LMO7: variants seen among roughly 807,000 people sequenced by gnomAD.
The protein encoded by LMO7 is LIM domain 7.
Under a neutral mutation model 206.5 loss-of-function variants are expected in LMO7, and 120 were observed. That is an observed-to-expected ratio of 0.58 (90% CI 0.50 to 0.68). The LOEUF (loss-of-function observed/expected upper bound fraction) is 0.68. Ranked by LOEUF, LMO7 falls within the 30% of genes least tolerant of loss-of-function variation. The pLI is 0.00. For missense variants in LMO7, 1,959 were observed against 1,957.9 expected, an observed-to-expected ratio of 1.00 and a Z score of -0.01; for synonymous variants, 706 against 681.5, an observed-to-expected ratio of 1.04 and a Z score of -0.56.
intron 1 of LMO7, among the ~76,000 whole-genome samples, chr13:75,663,061 A>G (rs1207923187): frequency 6.6e-6 from 1 of 152,158 alleles, no homozygotes; most frequent in Non-Finnish European, 1.5e-5. Flanking sequence ...TTTAATCCCA[A>G]TATTACTTAT....
intron 1 of LMO7, among the ~76,000 whole-genome samples, chr13:75,710,926 T>G (rs75147089): frequency 0.44 from 65,910 of 151,418 alleles, 14,827 homozygotes; most frequent in East Asian, 0.67. Flanking sequence ...TATGATATTG[T>G]CTGTGGGTTT....
chr13:75,788,651 AT>A (rs138518976), intron 4 of LMO7, among the ~76,000 whole-genome samples: 17 of 151,394 alleles, frequency 1.1e-4, no homozygotes, highest in African/African-American at 4.1e-4. Flanking sequence ...TCATTTCTTG[AT>A]TTTTTTTTAA....
In LMO7 at chr13:75,792,648, C is replaced by T. The variant is rs552024993; in HGVS notation, c.318-2753C>T. 5.3e-5 allele frequency among the ~76,000 whole-genome samples: 8 copies of T among 152,284 alleles called. 1 individual carries two copies. The highest frequency in any genetic ancestry group is 1.9e-4 in the African/African-American group (8 of 41,542). ...AAGGACTTTGGGTTATGCCCTGTGG[C>T]CACATGACAGGCAAAGGAGCTGCTT... On this transcript the variant is annotated intron_variant, in intron 4 of 30. Transcript: ENST00000377534.
chr13:75,693,327 A>T (rs934510902), intron 1 of LMO7, among the ~76,000 whole-genome samples: 2 of 152,226 alleles, frequency 1.3e-5, no homozygotes, highest in African/African-American at 2.4e-5. Flanking sequence ...CTTTTTGTGT[A>T]GCACTGACAT....
At chr13:75,723,753 G>A (rs2044230061) in intron 2 of LMO7, among the ~76,000 whole-genome samples, 1 of 152,112 alleles carries the variant, frequency 6.6e-6, no homozygotes, top group South Asian at 2.1e-4. Context: ...TTGAAAGTAA[G>A]GGAGGGGAGT....
chr13:75,852,095 G>A (rs2060544343), intron 27 of LMO7, among the ~76,000 whole-genome samples: 1 of 152,156 alleles, frequency 6.6e-6, no homozygotes, highest in East Asian at 1.9e-4. Flanking sequence ...TATTTGCTAT[G>A]TCTAAACTGT....
intron 28 of LMO7, among the ~76,000 whole-genome samples, chr13:75,853,835 C>A (rs1211315930): frequency 6.6e-6 from 1 of 152,202 alleles, no homozygotes; most frequent in Non-Finnish European, 1.5e-5. Flanking sequence ...AAGAGCGTTA[C>A]AATGCTTTTC....
At chr13:75,772,884 C>A (rs2049937973) in intron 4 of LMO7, among the ~76,000 whole-genome samples, 1 of 152,050 alleles carries the variant, frequency 6.6e-6, no homozygotes, top group Admixed American at 6.6e-5. Flanking sequence ...TGTTCAAATG[C>A]AGACTGATTC....
intron 9 of LMO7, chr13:75,806,152 G>A (rs552634738): frequency 2.1e-5 from 21 of 1,003,432 alleles, no homozygotes; most frequent in African/African-American, 2.1e-4. Context: ...TAGGCTAGAC[G>A]GCAACTGCCA....
chr13:75,733,257 C>A (rs1004742017), intron 3 of LMO7, among the ~76,000 whole-genome samples: 2 of 152,266 alleles, frequency 1.3e-5, no homozygotes, highest in Non-Finnish European at 2.9e-5. Flanking sequence ...GGCAGGCCTT[C>A]TTGAGCTGTG....
intron 2 of LMO7, among the ~76,000 whole-genome samples, chr13:75,725,382 A>G (rs1231328616): frequency 2.6e-5 from 4 of 152,114 alleles, no homozygotes; most frequent in African/African-American, 7.2e-5. Flanking sequence ...ACACGTTACT[A>G]TAAGTCAGTG....
chr13:75,630,819 T>A (rs533859156), intron 2 of LMO7, among the ~76,000 whole-genome samples: 1 of 152,120 alleles, frequency 6.6e-6, no homozygotes, highest in African/African-American at 2.4e-5. Flanking sequence ...TTTTTCTTTT[T>A]TTCTTTTTGT....
At chr13:75,850,542 G>A (rs2060411650) in intron 27 of LMO7, among the ~76,000 whole-genome samples, 1 of 152,206 alleles carries the variant, frequency 6.6e-6, no homozygotes, top group Non-Finnish European at 1.5e-5. Flanking sequence ...GTGGCATACT[G>A]ATCAGACAGA....
chr13:75,761,242 G>A (rs188406643), intron 4 of LMO7, among the ~76,000 whole-genome samples: 54 of 152,104 alleles, frequency 3.6e-4, no homozygotes, highest in African/African-American at 1.3e-3. Context: ...TCATAACATA[G>A]CATAGTCTTA....
intron 3 of LMO7, among the ~76,000 whole-genome samples, chr13:75,750,555 A>G (rs2047195845): frequency 6.6e-6 from 1 of 151,744 alleles, no homozygotes; most frequent in Non-Finnish European, 1.5e-5. Context: ...GCACCTGGAT[A>G]ATAATTTTAT....
chr13:75,674,258 A>G (rs1237105156), intron 1 of LMO7, among the ~76,000 whole-genome samples: 1 of 152,256 alleles, frequency 6.6e-6, no homozygotes, highest in African/African-American at 2.4e-5. Flanking sequence ...AATATTGTGG[A>G]TCAGTGTTTC....
At chr13:75,784,828 T>A (rs1267258768) in intron 4 of LMO7, among the ~76,000 whole-genome samples, 1 of 152,212 alleles carries the variant, frequency 6.6e-6, no homozygotes, top group African/African-American at 2.4e-5. Context: ...TTGTACATGC[T>A]TGCTTTGTAA....
At chr13:75,664,449 C>T (rs2139305084) in intron 1 of LMO7, among the ~76,000 whole-genome samples, 1 of 152,244 alleles carries the variant, frequency 6.6e-6, no homozygotes, top group South Asian at 2.1e-4. Context: ...TAGGTTGCTT[C>T]CAAATCTTGG....
At chr13:75,784,827 C>G (rs561355769) in intron 4 of LMO7, among the ~76,000 whole-genome samples, 1 of 152,004 alleles carries the variant, frequency 6.6e-6, no homozygotes, top group Non-Finnish European at 1.5e-5. Flanking sequence ...CTTGTACATG[C>G]TTGCTTTGTA....
Sources: gnomAD v4.1 joint callset for allele counts (sites outside exome capture counted in the v4.1 genomes callset) on GRCh38, gnomAD v4.1.1 for gene constraint, MANE v1.5 for transcripts, NCBI Gene and HGNC (gene_info 2026-07-23, HGNC 2026-07-21) for gene names.